Variants in RGS5 observed in about 807,000 individuals in gnomAD.
RGS5 encodes regulator of G protein signaling 5, also known as regulator of G-protein signalling 5.
Under a neutral mutation model 18.9 loss-of-function variants are expected in RGS5, and 20 were observed. The ratio of observed to expected loss-of-function variants is 1.06; its 90% CI spans 0.74 to 1.54. The LOEUF is 1.54. RGS5 is among the 40% of genes most tolerant of loss of function. The pLI, the probability that RGS5 is intolerant of heterozygous loss-of-function variation, is 0.00. For synonymous variants in RGS5, 57 were observed against 76.2 expected, an observed-to-expected ratio of 0.75 and a Z score of 1.31; for missense variants, 201 against 211.8, an observed-to-expected ratio of 0.95 and a Z score of 0.32.
intron 2 of RGS5, chr1:163,304,960 T>G (rs1649657307): frequency 6.6e-6 from 1 of 152,262 alleles, no homozygotes; most frequent in African/African-American, 2.4e-5. Flanking sequence ...TTTCTTCTAC[T>G]TATTGTCTCC....
At chr1:163,288,137 T>G (rs1649190371) in intron 2 of RGS5, among the ~76,000 whole-genome samples, 1 of 147,566 alleles carries the variant, frequency 6.8e-6, no homozygotes, top group Non-Finnish European at 1.5e-5. Context: ...TACTTTTCAC[T>G]TTTTTTTTTT....
chr1:163,319,567 T>C (rs1000347777), intron 1 of RGS5, among the ~76,000 whole-genome samples: 1 of 152,140 alleles, frequency 6.6e-6, no homozygotes, highest in African/African-American at 2.4e-5. Context: ...ATCTGTCATA[T>C]ATCACTTTGT....
chr1:163,206,960 T>C (rs888859555), upstream of RGS5: 1 of 152,248 alleles, frequency 6.6e-6, no homozygotes, highest in African/African-American at 2.4e-5. Flanking sequence ...TTTAAGATTA[T>C]GATTTTTTGT....
At chr1:163,298,445 T>G (rs1396547) in intron 2 of RGS5, among the ~76,000 whole-genome samples, 14,701 of 151,972 alleles carry the variant, frequency 0.097, 981 homozygotes, top group South Asian at 0.2. Flanking sequence ...GGCCAGATGA[T>G]AGAAGTTTTT....
chr1:163,301,579 C>T (rs537612617), intron 2 of RGS5, among the ~76,000 whole-genome samples: 5 of 152,204 alleles, frequency 3.3e-5, no homozygotes, highest in South Asian at 4.2e-4. Flanking sequence ...CCGATCCTCC[C>T]GCCTTGGCCT....
At chr1:163,202,932 C>T (rs1364785629), upstream of RGS5, 4 of 1,157,576 alleles carry the variant, frequency 3.5e-6, no homozygotes, top group East Asian at 9.7e-5. Flanking sequence ...GCCTTTCCTC[C>T]TGAGGTATAT....
At chr1:163,290,358 C>T (rs1458817558) in intron 2 of RGS5, among the ~76,000 whole-genome samples, 1 of 152,142 alleles carries the variant, frequency 6.6e-6, no homozygotes, top group African/African-American at 2.4e-5. Flanking sequence ...TGGGTATTAC[C>T]CCACACAAAT....
intron 1 of RGS5, among the ~76,000 whole-genome samples, chr1:163,318,401 G>A (rs1650085803): frequency 6.6e-6 from 1 of 152,178 alleles, no homozygotes; most frequent in Non-Finnish European, 1.5e-5. Flanking sequence ...GATGGATTTG[G>A]CGGTGTAGGT....
At chr1:163,160,908 T>C (rs759705491) in intron 3 of RGS5, among the ~76,000 whole-genome samples, 2 of 152,204 alleles carry the variant, frequency 1.3e-5, no homozygotes, top group African/African-American at 2.4e-5. Flanking sequence ...TGTTTTGAAA[T>C]TATCTACATG....
intron 1 of RGS5, among the ~76,000 whole-genome samples, chr1:163,191,055 A>G (rs1659331412): frequency 6.6e-6 from 1 of 152,204 alleles, no homozygotes; most frequent in Admixed American, 6.5e-5. Context: ...ATGAGTGGAC[A>G]TGGGAGTACT....
chr1:163,280,269 G>T (rs146629124), intron 2 of RGS5, among the ~76,000 whole-genome samples: 5 of 151,996 alleles, frequency 3.3e-5, no homozygotes, highest in East Asian at 3.9e-4. Context: ...TCAACAAGTT[G>T]CTAGCAAATG....
intron 2 of RGS5, among the ~76,000 whole-genome samples, chr1:163,292,806 A>G (rs1571345146): frequency 6.6e-6 from 1 of 152,152 alleles, no homozygotes; most frequent in African/African-American, 2.4e-5. Flanking sequence ...TGTTGGCTGC[A>G]TGTATGTCTT....
Position 163,303,651 on chromosome 1 carries a change from G to A in RGS5, c.-281+2582C>T, listed in dbSNP as rs143949115. ...CAGCTCTATCAGTCCTTGTTTTTCTGGTATACAATCAGGGGTTCCCAAACC... is the reference window on the plus strand; with the variant it reads ...CAGCTCTATCAGTCCTTGTTTTTCTAGTATACAATCAGGGGTTCCCAAACC... On this transcript the variant is annotated intron_variant, in intron 2 of 5. Transcript: ENST00000618415. Among the ~76,000 whole-genome samples the A allele has an allele frequency of 8.4e-3, 1,284 of 152,210 alleles. 10 individuals are homozygous for A. Among genetic ancestry groups the A allele is most frequent in the Non-Finnish European group, 0.015 (1,017 of 68,000 alleles).
Position 163,146,516 on chromosome 1 carries a change from T to G in RGS5, c.*826A>C, listed in dbSNP as rs1657135296. The G allele has an allele frequency of 6.6e-6, 1 of 152,182 alleles. No individual in the cohort carries two copies. The allele number at this position is 152,182 out of a possible 1,614,324, so 9.4% of individuals were successfully genotyped here. ...TGATTGGATTTAGAAATTTACAAAT[T>G]TTAAACTCATAAGAATTCTAAATAA... is the stretch of plus-strand genomic sequence containing the variant. On this transcript the variant is annotated 3_prime_UTR_variant, in exon 5 of 5. Transcript: ENST00000313961.
intron 2 of RGS5, among the ~76,000 whole-genome samples, chr1:163,292,502 T>G (rs887490877): frequency 6.6e-6 from 1 of 152,230 alleles, no homozygotes; most frequent in Non-Finnish European, 1.5e-5. Flanking sequence ...ATCTTTATAA[T>G]AGAATGATTT....
At chr1:163,272,234 C>T (rs1183956960) in intron 2 of RGS5, among the ~76,000 whole-genome samples, 2 of 151,862 alleles carry the variant, frequency 1.3e-5, no homozygotes, top group South Asian at 2.1e-4. Context: ...AATGTCTATG[C>T]CTACCTTTTG....
At chr1:163,219,748 A>G (rs1241526811), upstream of RGS5, among the ~76,000 whole-genome samples, 1 of 152,202 alleles carries the variant, frequency 6.6e-6, no homozygotes, top group Non-Finnish European at 1.5e-5. Context: ...TTTAAAAAGT[A>G]AAATGTCCTG....
chr1:163,204,660 G>A (rs540731222), upstream of RGS5, among the ~76,000 whole-genome samples: 6 of 152,256 alleles, frequency 3.9e-5, no homozygotes, highest in African/African-American at 1.2e-4. Context: ...TACTGAATGA[G>A]TTAAACAAAC....
At position 163,168,272 on chromosome 1, in the gene RGS5, T is replaced by G; in HGVS notation, c.141A>C (p.Pro47=). 1 of 1,613,542 alleles carries G rather than the reference T, an allele frequency of 6.2e-7. No individual in the cohort carries two copies. Among genetic ancestry groups the G allele is most frequent in the Non-Finnish European group, 8.5e-7 (1 of 1,179,548 alleles). The change falls in exon 2 of 5, where the codon CCA becomes CCC. Residue 47 remains proline, a synonymous_variant. Transcript: ENST00000313961. ...VIPYNEKPEK[P]AKTQKTSLDE... ...TCATGACTCACTTCTGGGTCTTGGC[T>G]GGTTTCTCTGGCTTCTCATTGTACG...
Sources: gnomAD v4.1 joint callset for allele counts (sites outside exome capture counted in the v4.1 genomes callset) on GRCh38, gnomAD v4.1.1 for gene constraint, MANE v1.5 for transcripts, NCBI Gene and HGNC (gene_info 2026-07-23, HGNC 2026-07-21) for gene names.